GNA12: variants seen among roughly 807,000 people sequenced by gnomAD.
The protein encoded by GNA12 is guanine nucleotide-binding protein subunit alpha-12.
Under a neutral mutation model 26.0 loss-of-function variants are expected in GNA12, and 9 were observed. The observed-to-expected ratio is 0.35, with a 90% CI of 0.21 to 0.60. The LOEUF is 0.60. Ranked by LOEUF, GNA12 falls within the 20% of genes least tolerant of loss-of-function variation. The pLI is 0.78. For synonymous variants in GNA12, 264 were observed against 219.6 expected, an observed-to-expected ratio of 1.20 and a Z score of -1.79; for missense variants, 405 against 525.8, an observed-to-expected ratio of 0.77 and a Z score of 2.25.
In GNA12 at chr7:2,770,942, T is replaced by C. The variant is rs151149745; in HGVS notation, c.525+23986A>G. 9.2e-3 allele frequency among the ~76,000 whole-genome samples: 1,397 copies of C among 152,334 alleles called. 8 individuals carry two copies. The highest frequency in any genetic ancestry group is 0.014 in the Non-Finnish European group (954 of 68,024). The stretch of plus-strand genomic sequence containing the variant: ...GGGTACTGCAAGCGCCAGGCTCTGA[T>C]GACTCCTTGCAGAGCAAATGGACAG... On this transcript the variant is annotated intron_variant, in intron 2 of 3. Transcript: ENST00000275364.
chr7:2,768,223 G>A (rs1016351563), intron 2 of GNA12, among the ~76,000 whole-genome samples: 10 of 152,178 alleles, frequency 6.6e-5, no homozygotes, highest in African/African-American at 2.4e-4. Flanking sequence ...TCCAAATTGA[G>A]TTAGATTAGG....
intron 2 of GNA12, among the ~76,000 whole-genome samples, chr7:2,784,773 A>G (rs1237255216): frequency 6.6e-6 from 1 of 152,162 alleles, no homozygotes; most frequent in Non-Finnish European, 1.5e-5. Flanking sequence ...AGCATACAGA[A>G]AACACCTTTG....
At position 2,796,390 on chromosome 7, in the gene GNA12, G is replaced by A. The variant is rs565250141; in HGVS notation, c.310-1247C>T. ...TCTCTCAAATGTGGTATCACCGTCCGCGCCTATTTTCCGTTGGCGGCTGGC... is the reference window on the plus strand; with the variant it reads ...TCTCTCAAATGTGGTATCACCGTCCACGCCTATTTTCCGTTGGCGGCTGGC... On this transcript the variant is annotated intron_variant, in intron 1 of 3. Transcript: ENST00000275364. Among the ~76,000 whole-genome samples, 47 of 152,268 alleles carry A rather than the reference G, an allele frequency of 3.1e-4. No individual in the cohort carries two copies. In the South Asian group the frequency reaches 3.5e-3, roughly 11 times the overall value.
chr7:2,753,531 T>C (rs564939736), intron 2 of GNA12, among the ~76,000 whole-genome samples: 2 of 152,338 alleles, frequency 1.3e-5, no homozygotes, highest in East Asian at 3.9e-4. Flanking sequence ...TGCCCCTTTT[T>C]ACTGCTGGGA....
intron 1 of GNA12, among the ~76,000 whole-genome samples, chr7:2,810,745 A>G (rs763361694): frequency 8.5e-5 from 13 of 152,184 alleles, no homozygotes; most frequent in Non-Finnish European, 1.9e-4. Flanking sequence ...ACACAAAATT[A>G]GGTGGGTATG....
chr7:2,809,501 C>A (rs893886856), intron 1 of GNA12, among the ~76,000 whole-genome samples: 4 of 151,978 alleles, frequency 2.6e-5, no homozygotes, highest in Non-Finnish European at 5.9e-5. Flanking sequence ...TAAATATTGC[C>A]CCATACTTTA....
chr7:2,835,811 G>C, intron 1 of GNA12: 1 of 661,952 alleles, frequency 1.5e-6, no homozygotes, highest in South Asian at 1.5e-5. Context: ...GATGCTGACT[G>C]CTTAATGATG....
At chr7:2,834,468 G>A (rs1460646980) in intron 1 of GNA12, among the ~76,000 whole-genome samples, 3 of 152,188 alleles carry the variant, frequency 2.0e-5, no homozygotes, top group African/African-American at 7.2e-5. Flanking sequence ...GAGTGCGAGT[G>A]GAGAGTAGGG....
intron 2 of GNA12, among the ~76,000 whole-genome samples, chr7:2,774,500 T>C (rs2115425989): frequency 6.6e-6 from 1 of 152,062 alleles, no homozygotes; most frequent in East Asian, 1.9e-4. Flanking sequence ...AGGCCCTGAG[T>C]GTGCAGGGAG....
chr7:2,754,617 G>T lies in GNA12; in HGVS notation c.526-21116C>A, dbSNP rs1302813897. ...AAAAAAATTAGCCAGGTATAGTGTT[G>T]CGTTCCTGTAGTCCCAGCTATTAGG... On this transcript the variant is annotated intron_variant, in intron 2 of 3. Coordinates refer to ENST00000275364, the MANE Select transcript of GNA12 (RefSeq NM_007353.3). Among the ~76,000 whole-genome samples the T allele has an allele frequency of 3.3e-5, 5 of 151,546 alleles. No homozygotes were observed. The East Asian group carries it at 9.7e-4, about 29-fold the overall frequency.
chr7:2,801,207 C>G (rs1367307614), intron 1 of GNA12, among the ~76,000 whole-genome samples: 1 of 152,206 alleles, frequency 6.6e-6, no homozygotes, highest in East Asian at 1.9e-4. Flanking sequence ...TCGTCCAACT[C>G]AAATACAGAA....
At chr7:2,826,376 CAAAA>C (rs71026566) in intron 1 of GNA12, among the ~76,000 whole-genome samples, 4 of 107,760 alleles carry the variant, frequency 3.7e-5, no homozygotes, top group Admixed American at 9.5e-5. Context: ...GACTCCATCT[CAAAA>C]AAAAAAAAAA....
At chr7:2,820,341 A>G (rs4722114) in intron 1 of GNA12, among the ~76,000 whole-genome samples, 1 of 151,180 alleles carries the variant, frequency 6.6e-6, no homozygotes, top group Admixed American at 6.6e-5. Flanking sequence ...ACTGAAGTCC[A>G]CTGAATTGTA....
chr7:2,754,680 C>T (rs1216290464), intron 2 of GNA12, among the ~76,000 whole-genome samples: 3 of 152,116 alleles, frequency 2.0e-5, no homozygotes, highest in African/African-American at 7.2e-5. Flanking sequence ...GCCCAGGAGA[C>T]TGAGGCTGCA....
At chr7:2,809,331 T>C (rs2115478973) in intron 1 of GNA12, among the ~76,000 whole-genome samples, 1 of 152,304 alleles carries the variant, frequency 6.6e-6, no homozygotes, top group East Asian at 1.9e-4. Context: ...ATACCTGCAG[T>C]GAGGAGCACT....
chr7:2,827,162 A>C (rs1035260606), intron 1 of GNA12, among the ~76,000 whole-genome samples: 4 of 152,234 alleles, frequency 2.6e-5, no homozygotes, highest in African/African-American at 9.6e-5. Flanking sequence ...GATTCCATTT[A>C]TATGAAATAT....
chr7:2,814,786 C>CAACACACAT, intron 1 of GNA12: 1 of 1,238,054 alleles, frequency 8.1e-7, no homozygotes, highest in Middle Eastern at 2.0e-4. Context: ...AGAAAGGGTT[C>CAACACACAT]CCTGACCTGC....
At chr7:2,779,690 CG>C (rs1792172452) in intron 2 of GNA12, among the ~76,000 whole-genome samples, 1 of 151,980 alleles carries the variant, frequency 6.6e-6, no homozygotes, top group Non-Finnish European at 1.5e-5. Context: ...CTTCAGCCTC[CG>C]GGGTTCAAGT....
intron 1 of GNA12, among the ~76,000 whole-genome samples, chr7:2,825,103 G>T (rs1221954898): frequency 6.6e-6 from 1 of 152,184 alleles, no homozygotes; most frequent in Non-Finnish European, 1.5e-5. Context: ...CAAAAGACAG[G>T]TTACAACAAT....
Sources: gnomAD v4.1 joint callset for allele counts (sites outside exome capture counted in the v4.1 genomes callset) on GRCh38, gnomAD v4.1.1 for gene constraint, MANE v1.5 for transcripts, NCBI Gene and HGNC (gene_info 2026-07-23, HGNC 2026-07-21) for gene names.